CACNB3: variants seen among roughly 807,000 people sequenced by gnomAD.
CACNB3 encodes voltage-dependent L-type calcium channel subunit beta-3.
Under a neutral mutation model 63.7 loss-of-function variants are expected in CACNB3, and 36 were observed. The ratio of observed to expected loss-of-function variants is 0.57; its 90% confidence interval spans 0.43 to 0.75. The LOEUF is 0.75. Ranked by LOEUF, CACNB3 falls within the 30% of genes least tolerant of loss-of-function variation. CACNB3 has a pLI of 0.00. For synonymous variants in CACNB3, 241 were observed against 250.6 expected, an observed-to-expected ratio of 0.96 and a Z score of 0.36; for missense variants, 493 against 648.6, an observed-to-expected ratio of 0.76 and a Z score of 2.61.
chr12:48,823,303 C>T lies in CACNB3; in HGVS notation c.46-41C>T. ...AGGAGGGTGCCTCCATGGCATCCTT[C>T]ATGCCGGAGCCTGGGAGTCACAGCC... On this transcript the variant is annotated intron_variant, in intron 1 of 12. Transcript: ENST00000301050. This position sits in a 1 kb window ranked among gnomAD's most constrained non-coding sequence, Gnocchi z 4.2. 6.2e-7 allele frequency: 1 copy of T among 1,604,812 alleles called. No individual in the cohort carries two copies. The highest frequency in any genetic ancestry group is 1.3e-5 in the African/African-American group (1 of 74,768).
In CACNB3 at chr12:48,824,334, G is replaced by T. The variant is rs756402786; in HGVS notation, c.368G>T (p.Arg123Leu). Residue 123 changes from arginine to leucine, a missense_variant, in exon 4 of 13, where the codon CGC becomes CTC. Transcript: ENST00000301050. ...GDIAFIPSPQ[R>L]LESIRLKQEQ... ...ATCGCCTTCATCCCCAGCCCCCAGC[G>T]CCTGGAGAGCATCCGGCTCAAACAG... 1.2e-6 allele frequency: 2 copies of T among 1,611,750 alleles called. No homozygotes were observed. The highest frequency in any genetic ancestry group is 1.1e-5 in the South Asian group (1 of 90,270).
rs151224911 is a variant in CACNB3, at chr12:48,826,854, G to A, written c.990G>A (p.Pro330=). 1.0e-4 allele frequency: 163 copies of A among 1,613,510 alleles called. No individual in the cohort carries two copies. In the East Asian group the frequency reaches 2.1e-3, roughly 21 times the overall value. The change falls in exon 11 of 13, where the codon CCG becomes CCA. Residue 330 remains proline, a splice_region_variant and synonymous_variant. Coordinates refer to ENST00000301050, the MANE Select transcript of CACNB3 (RefSeq NM_000725.4). The surrounding 1 kb of genome is among the most constrained non-coding windows in gnomAD (Gnocchi z 4.8). ...MAYDKLVQCP[P]ESFDVILDEN... Reference sequence around the variant, plus strand: ...ATGATAAGCTGGTTCAGTGCCCACCGGTGAGTGCCTGGGTCAGCTGCTCCT... The same window carrying A: ...ATGATAAGCTGGTTCAGTGCCCACCAGTGAGTGCCTGGGTCAGCTGCTCCT...
intron 12 of CACNB3, 116 bp downstream of exon 12, chr12:48,827,239 C>T (rs758534009): frequency 7.0e-6 from 9 of 1,282,304 alleles, no homozygotes; most frequent in Non-Finnish European, 8.7e-6. Context: ...TTGTAGAACT[C>T]TCAGCTCTGC....
In CACNB3 at chr12:48,826,200, A is replaced by G. The variant is rs747727347; in HGVS notation, c.743-167A>G. On this transcript the variant is annotated intron_variant, in intron 9 of 12. Transcript: ENST00000301050. This position sits in a 1 kb window ranked among gnomAD's most constrained non-coding sequence, Gnocchi z 4.8. The stretch of plus-strand genomic sequence containing the variant: ...CCTCTACCTGCCCCCAGGATTGGCA[A>G]GAACACACCCCTCCTCCTCAATTCC... 2.4e-5 allele frequency: 16 copies of G among 657,386 alleles called. No individual in the cohort carries two copies. Among genetic ancestry groups the G allele is most frequent in the Non-Finnish European group, 3.4e-5 (13 of 383,858 alleles). 40.7% of individuals were successfully genotyped at this position (657,386 alleles called of 1,614,324 possible).
In CACNB3 at chr12:48,823,454, C is replaced by T. The variant is rs764881890; in HGVS notation, c.156C>T (p.Leu52=). The change falls in exon 2 of 13, where the codon CTC becomes CTT. Residue 52 remains leucine, a synonymous_variant. Transcript: ENST00000301050. This position sits in a 1 kb window ranked among gnomAD's most constrained non-coding sequence, Gnocchi z 4.2. ...REVESQAQQQ[L]ERAKHKPVAF... is the part of the protein sequence containing the mutation. ...TAGAGAGCCAGGCTCAGCAGCAGCT[C>T]GAAAGGGCCAAGGTATACTTTCTGG... 11 of 1,613,868 alleles carry T rather than the reference C, an allele frequency of 6.8e-6. No individual in the cohort carries two copies. The highest frequency in any genetic ancestry group is 1.7e-5 in the Admixed American group (1 of 59,986).
chr12:48,814,696 G>C, upstream of CACNB3: 1 of 900,190 alleles, frequency 1.1e-6, no homozygotes, highest in Non-Finnish European at 1.6e-6. This position sits in a 1 kb window ranked among gnomAD's most constrained non-coding sequence, Gnocchi z 6.9. Context: ...GGGGGAGAGG[G>C]GTTCGTCCTG....
upstream of CACNB3, chr12:48,818,292 T>C: frequency 5.6e-6 from 1 of 178,812 alleles, no homozygotes; most frequent in Non-Finnish European, 1.1e-5. The surrounding 1 kb of genome is among the most constrained non-coding windows in gnomAD (Gnocchi z 4.3). Context: ...TGCCTCTCTC[T>C]CTCCGGTTTC....
Position 48,823,863 on chromosome 12 carries a change from T to C in CACNB3, c.291+60T>C. On this transcript the variant is annotated intron_variant, in intron 3 of 12. Coordinates refer to ENST00000301050, the MANE Select transcript of CACNB3 (RefSeq NM_000725.4). This position sits in a 1 kb window ranked among gnomAD's most constrained non-coding sequence, Gnocchi z 4.2. ...TTCATTTTCTTGCTCTTGCTCCAGATCCTAATGCTTCTGACTTGAATCCTC... is the reference window on the plus strand; with the variant it reads ...TTCATTTTCTTGCTCTTGCTCCAGACCCTAATGCTTCTGACTTGAATCCTC... The C allele has an allele frequency of 6.2e-7, 1 of 1,605,570 alleles. No individual in the cohort carries two copies.
At chr12:48,815,155 C>G (rs1487930618), upstream of CACNB3, 1 of 157,286 alleles carries the variant, frequency 6.4e-6, no homozygotes, top group Admixed American at 6.2e-5. Context: ...CAGCCGCCGC[C>G]GGAGGATGGG....
chr12:48,819,207 G>C (rs964983269), intron 1 of CACNB3, among the ~76,000 whole-genome samples: 1 of 152,030 alleles, frequency 6.6e-6, no homozygotes, highest in South Asian at 2.1e-4. Context: ...ATAGGGGAAG[G>C]GCTCAAGCAG....
At chr12:48,814,906 G>A (rs1592176631), upstream of CACNB3, 1 of 258,110 alleles carries the variant, frequency 3.9e-6, no homozygotes, top group East Asian at 6.9e-5. This position sits in a 1 kb window ranked among gnomAD's most constrained non-coding sequence, Gnocchi z 6.9. Context: ...GCTTCGCCTC[G>A]CCCTTCCCCT....
rs746315237 is a variant in CACNB3 at position 48,823,708 on chromosome 12, A to C, written c.196A>C (p.Thr66Pro). ...KHKPVAFAVRTNVSYCGVLDE... is the reference protein window; with the variant it reads ...KHKPVAFAVRPNVSYCGVLDE... ...CAAACCTGTGGCATTTGCGGTGAGG[A>C]CCAATGTCAGCTACTGTGGCGTACT... The change falls in exon 3 of 13, where the codon ACC (threonine) becomes CCC (proline). Residue 66 changes from threonine to proline, a missense_variant. Coordinates refer to ENST00000301050, the MANE Select transcript of CACNB3 (RefSeq NM_000725.4). This position sits in a 1 kb window ranked among gnomAD's most constrained non-coding sequence, Gnocchi z 4.2. 24 of 1,614,094 alleles carry C rather than the reference A, an allele frequency of 1.5e-5. No homozygotes were observed. Among genetic ancestry groups the C allele is most frequent in the Non-Finnish European group, 2.0e-5 (24 of 1,180,000 alleles).
intron 6 of CACNB3, 26 bp downstream of exon 6, chr12:48,824,994 G>A (rs1938051081): frequency 1.2e-6 from 2 of 1,605,064 alleles, no homozygotes; most frequent in Non-Finnish European, 1.7e-6. Flanking sequence ...GACCTGGGCT[G>A]GGGGGATCAT....
chr12:48,824,634 T>TTC (rs753571647), intron 4 of CACNB3, 35 bp from the exon 5 acceptor site: 8 of 1,548,328 alleles, frequency 5.2e-6, no homozygotes, highest in African/African-American at 2.7e-5. Context: ...AGACACATTC[T>TTC]TCTCTCTCTC....
At chr12:48,821,310 T>C (rs1337974690) in intron 1 of CACNB3, 5 of 151,740 alleles carry the variant, frequency 3.3e-5, no homozygotes, top group Non-Finnish European at 7.4e-5. Flanking sequence ...CTAGGCAACA[T>C]AGCAAGATCC....
chr12:48,827,617 G>C lies in CACNB3; in HGVS notation c.1173G>C (p.Glu391Asp), dbSNP rs1159005113. The part of the protein sequence containing the change: ...NQQLLGERGE[E>D]HSPLERDSLM... The stretch of plus-strand genomic sequence containing the variant: ...AGCTGCTGGGGGAGCGTGGCGAGGA[G>C]CACTCCCCCCTTGAGCGGGACAGCT... Residue 391 changes from glutamate to aspartate, a missense_variant, in exon 13 of 13, where the codon GAG becomes GAC. Coordinates refer to ENST00000301050, the MANE Select transcript of CACNB3 (RefSeq NM_000725.4). 3 of 1,613,404 alleles carry C rather than the reference G, an allele frequency of 1.9e-6. No homozygotes were observed. In the African/African-American group the frequency reaches 4.0e-5, roughly 22 times the overall value.
Position 48,825,893 on chromosome 12 carries a change from A to G in CACNB3, c.742+124A>G, listed in dbSNP as rs1787093898. ...ACCTAGGCTGGAGTGCAGTGGTGAG[A>G]TCTCGGCTCACTGCAACCTCCACCT... On this transcript the variant is annotated intron_variant, in intron 9 of 12. Transcript: ENST00000301050. This position sits in a 1 kb window ranked among gnomAD's most constrained non-coding sequence, Gnocchi z 4.5. 1 of 633,404 alleles carries G rather than the reference A, an allele frequency of 1.6e-6. No individual in the cohort carries two copies. Among genetic ancestry groups the G allele is most frequent in the Non-Finnish European group, 2.7e-6 (1 of 372,300 alleles). 39.2% of individuals were successfully genotyped at this position (633,404 alleles called of 1,614,324 possible). A position where few individuals can be genotyped will look rare whatever the true frequency, so the allele number is the denominator to read the frequency against.
intron 1 of CACNB3, chr12:48,820,384 T>G (rs1234679555): frequency 6.6e-6 from 1 of 152,274 alleles, no homozygotes; most frequent in Non-Finnish European, 1.5e-5. Context: ...GAGGGCAGCC[T>G]GCTGACCCAT....
In CACNB3 at chr12:48,825,303, C is replaced by G. The variant is rs1245801860; in HGVS notation, c.573+60C>G. ...CTACCAAGCCTGCCACAGGAAGTCC[C>G]TAGGGAAAGTGGAAGGGGTGTGTCT... On this transcript the variant is annotated intron_variant, in intron 7 of 12. Transcript: ENST00000301050. The surrounding 1 kb of genome is among the most constrained non-coding windows in gnomAD (Gnocchi z 4.5). 5 of 1,585,224 alleles carry G rather than the reference C, an allele frequency of 3.2e-6. No homozygotes were observed. The highest frequency in any genetic ancestry group is 1.3e-5 in the African/African-American group (1 of 74,276).
Sources: allele counts gnomAD v4.1 joint callset (sites outside exome capture counted in the v4.1 genomes callset), GRCh38; gene constraint gnomAD v4.1.1; non-coding constraint Gnocchi (gnomAD v3.1); transcripts MANE v1.5; gene names NCBI Gene and HGNC (gene_info 2026-07-23, HGNC 2026-07-21).